Variants in GTPBP1 observed in about 807,000 individuals in gnomAD.
The protein encoded by GTPBP1 is GTP binding protein 1.
A neutral mutation model predicts 62.0 loss-of-function variants in GTPBP1; 23 were observed. The ratio of observed to expected loss-of-function variants is 0.37; its 90% confidence interval spans 0.27 to 0.53. The LOEUF is 0.53. Among genes scored for constraint, GTPBP1 ranks in the 20% least tolerant of loss-of-function variants. The pLI, the probability that GTPBP1 is intolerant of heterozygous loss-of-function variation, is 0.89. For missense variants in GTPBP1, 640 were observed against 917.3 expected (o/e 0.70, Z 3.90); for synonymous variants, 344 against 364.4 (o/e 0.94, Z 0.64).
intron 5 of GTPBP1, chr22:38,722,604 C>A: frequency 8.7e-7 from 1 of 1,155,602 alleles, no homozygotes; most frequent in Non-Finnish European, 1.2e-6. Flanking sequence ...AAGGCCTTAG[C>A]CATTTAGAGT....
At chr22:38,741,451 T>A, downstream of GTPBP1, 1 of 1,594,690 alleles carries the variant, frequency 6.3e-7, no homozygotes, top group Non-Finnish European at 8.6e-7. Flanking sequence ...TTGGATGGGG[T>A]CAGGACCCAG....
intron 11 of GTPBP1, among the ~76,000 whole-genome samples, 167 bp downstream of exon 11, chr22:38,729,829 A>G (rs550009059): frequency 6.6e-6 from 1 of 152,248 alleles, no homozygotes; most frequent in South Asian, 2.1e-4. Flanking sequence ...TCTAGAAGCT[A>G]TAAGGCAGTG....
chr22:38,713,092 A>C (rs2092649239), intron 2 of GTPBP1, among the ~76,000 whole-genome samples: 1 of 152,196 alleles, frequency 6.6e-6, no homozygotes, highest in African/African-American at 2.4e-5. Context: ...ATTTGTGGGC[A>C]GAATGAGTAG....
intron 4 of GTPBP1, among the ~76,000 whole-genome samples, 172 bp from the exon 5 acceptor site, chr22:38,721,570 T>C (rs1310202684): frequency 1.3e-5 from 2 of 152,232 alleles, no homozygotes; most frequent in Non-Finnish European, 2.9e-5. Flanking sequence ...GTTTATCTTT[T>C]TTATTGTTTG....
rs397836314 is a variant in GTPBP1, at chr22:38,731,010, TTGTGTGTGTGTG to T, written c.*335_*346del. ...TATTATATGTCTCTGTCTCTCTCTATTGTGTGTGTGTGTGTGTGTGTGTGTGTGTGTGTGTGT... is the reference window on the plus strand; with the variant it reads ...TATTATATGTCTCTGTCTCTCTCTATTGTGTGTGTGTGTGTGTGTGTGTGT... On this transcript the variant is annotated 3_prime_UTR_variant, in exon 12 of 12. Coordinates refer to ENST00000216044, the MANE Select transcript of GTPBP1 (RefSeq NM_004286.5). 401 of 183,766 alleles carry T rather than the reference TTGTGTGTGTGTG, an allele frequency of 2.2e-3. 1 individual carries two copies. The highest frequency in any genetic ancestry group is 6.5e-3 in the African/African-American group (241 of 37,082). The allele number at this position is 183,766 out of a possible 1,614,324, so 11.4% of individuals were successfully genotyped here.
chr22:38,739,935 A>G (rs756597106), downstream of GTPBP1: 2 of 1,610,906 alleles, frequency 1.2e-6, no homozygotes, highest in Non-Finnish European at 8.5e-7. This position sits in a 1 kb window ranked among gnomAD's most constrained non-coding sequence, Gnocchi z 6.7. Flanking sequence ...CCGGGAACTG[A>G]GATTCCACCT....
In GTPBP1 at chr22:38,726,899, G is replaced by A. The variant is rs182983687; in HGVS notation, c.1402-314G>A. On this transcript the variant is annotated intron_variant, in intron 8 of 11. Transcript: ENST00000216044. The surrounding 1 kb of genome is among the most constrained non-coding windows in gnomAD (Gnocchi z 4.1). The stretch of plus-strand genomic sequence containing the variant: ...AGGACTTTCTTCCCCACAGTGGTCA[G>A]GTCATGCCCACCTGTTGTTCCCCCT... Among the ~76,000 whole-genome samples, 1 of 152,320 alleles carries A rather than the reference G, an allele frequency of 6.6e-6. No homozygotes were observed. The highest frequency in any genetic ancestry group is 6.5e-5 in the Admixed American group (1 of 15,306).
At position 38,733,480 on chromosome 22, in the gene GTPBP1, A is replaced by G. The variant is rs893216416; in HGVS notation, c.*2776A>G. On this transcript the variant is annotated 3_prime_UTR_variant, in exon 12 of 12. Coordinates refer to ENST00000216044, the MANE Select transcript of GTPBP1 (RefSeq NM_004286.5). ...CTGGATCCATGCTTTACTGTGTTTA[A>G]TGGGGGTAACAGGGGTCCCTACAGC... 1 of 152,300 alleles carries G rather than the reference A, an allele frequency of 6.6e-6. No individual in the cohort carries two copies. The highest frequency in any genetic ancestry group is 1.5e-5 in the Non-Finnish European group (1 of 68,094). 9.4% of individuals were successfully genotyped at this position (152,300 alleles called of 1,614,324 possible). A position where few individuals can be genotyped will look rare whatever the true frequency, so the allele number is the denominator to read the frequency against.
At position 38,716,547 on chromosome 22, in the gene GTPBP1, G is replaced by T; in HGVS notation, c.486-105G>T. 1.2e-6 allele frequency: 1 copy of T among 812,820 alleles called. No individual in the cohort carries two copies. Among genetic ancestry groups the T allele is most frequent in the South Asian group, 1.7e-5 (1 of 59,828 alleles). 50.4% of individuals were successfully genotyped at this position (812,820 alleles called of 1,614,324 possible). On this transcript the variant is annotated intron_variant, in intron 3 of 11. Coordinates refer to ENST00000216044, the MANE Select transcript of GTPBP1 (RefSeq NM_004286.5). The surrounding 1 kb of genome is among the most constrained non-coding windows in gnomAD (Gnocchi z 5.2). ...GAGGAGCTGTGAGCCGGAGGGGATC[G>T]GGGCAAGCCTGGACTTGCGGATCCA...
At position 38,732,392 on chromosome 22, in the gene GTPBP1, T is replaced by C. The variant is rs549875780; in HGVS notation, c.*1688T>C. ...CCCAGTCAGGCAGGCATGGCTTCCG[T>C]GTTCAGGCTCCCTCACCAGCTGGTG... On this transcript the variant is annotated 3_prime_UTR_variant, in exon 12 of 12. Coordinates refer to ENST00000216044, the MANE Select transcript of GTPBP1 (RefSeq NM_004286.5). The C allele has an allele frequency of 6.6e-6, 1 of 152,586 alleles. No individual in the cohort carries two copies. The highest frequency in any genetic ancestry group is 1.9e-4 in the East Asian group (1 of 5,168). 9.5% of individuals were successfully genotyped at this position (152,586 alleles called of 1,614,324 possible).
chr22:38,726,204 G>T lies in GTPBP1; in HGVS notation c.1218+54G>T. ...GGGCACTTCCTACAGTGGCATCAGG[G>T]GGTGGGTCTGTGCTGGGGATGCACT... On this transcript the variant is annotated intron_variant, in intron 7 of 11. Transcript: ENST00000216044. The surrounding 1 kb of genome is among the most constrained non-coding windows in gnomAD (Gnocchi z 4.1). 1 of 1,609,820 alleles carries T rather than the reference G, an allele frequency of 6.2e-7. No individual in the cohort carries two copies. Among genetic ancestry groups the T allele is most frequent in the Non-Finnish European group, 8.5e-7 (1 of 1,176,492 alleles).
chr22:38,727,709 A>T lies in GTPBP1; in HGVS notation c.1538-274A>T, dbSNP rs1403083261. ...AGCCCACAGTCCAGCGAGGAGGTGC[A>T]TGTGCAGTGTGCTGTAATCCCAGGA... is the stretch of plus-strand genomic sequence containing the variant. On this transcript the variant is annotated intron_variant, in intron 9 of 11. Transcript: ENST00000216044. This position sits in a 1 kb window ranked among gnomAD's most constrained non-coding sequence, Gnocchi z 6.5. Among the ~76,000 whole-genome samples the T allele has an allele frequency of 1.3e-5, 2 of 152,208 alleles. No individual in the cohort carries two copies. Among genetic ancestry groups the T allele is most frequent in the African/African-American group, 2.4e-5 (1 of 41,454 alleles).
At chr22:38,718,967 CTATATGGTGGGTACATATGTGTA>C (rs2145860599) in intron 4 of GTPBP1, among the ~76,000 whole-genome samples, 1 of 152,230 alleles carries the variant, frequency 6.6e-6, no homozygotes, top group African/African-American at 2.4e-5. Context: ...ATTTATGTGT[CTATATGGTGGGTACATATGTGTA>C]TATATGTTTT....
chr22:38,734,013 A>C, downstream of GTPBP1: 1 of 237,258 alleles, frequency 4.2e-6, no homozygotes, highest in Non-Finnish European at 8.6e-6. Context: ...GAGTGAGCAC[A>C]GGACCAGCTG....
chr22:38,710,008 A>C (rs145063574), intron 2 of GTPBP1, among the ~76,000 whole-genome samples: 1 of 152,294 alleles, frequency 6.6e-6, no homozygotes, highest in Non-Finnish European at 1.5e-5. Context: ...CTTCATCTTC[A>C]TTATGGGATT....
chr22:38,738,618 A>G (rs2092827709), downstream of GTPBP1: 1 of 1,613,878 alleles, frequency 6.2e-7, no homozygotes, highest in South Asian at 1.1e-5. This position sits in a 1 kb window ranked among gnomAD's most constrained non-coding sequence, Gnocchi z 6.6. Context: ...GGCACTGGAG[A>G]TAGTGCTGTT....
downstream of GTPBP1, chr22:38,740,124 C>T (rs1402009990): frequency 5.6e-6 from 7 of 1,260,402 alleles, no homozygotes; most frequent in African/African-American, 3.0e-5. The surrounding 1 kb of genome is among the most constrained non-coding windows in gnomAD (Gnocchi z 4.8). Flanking sequence ...CAGTGAGAGC[C>T]CACATGTGTC....
chr22:38,730,761 C>T lies in GTPBP1; in HGVS notation c.*57C>T, dbSNP rs2092753877. The T allele has an allele frequency of 2.1e-6, 2 of 949,682 alleles. No individual in the cohort carries two copies. The highest frequency in any genetic ancestry group is 1.6e-5 in the African/African-American group (1 of 61,330). 58.8% of individuals were successfully genotyped at this position (949,682 alleles called of 1,614,324 possible). On this transcript the variant is annotated 3_prime_UTR_variant, in exon 12 of 12. Coordinates refer to ENST00000216044, the MANE Select transcript of GTPBP1 (RefSeq NM_004286.5). This position sits in a 1 kb window ranked among gnomAD's most constrained non-coding sequence, Gnocchi z 5.6. ...GGGTCATCATCTCTGGCCACCACTC[C>T]ACCAGATGGGCAGAGCAGCTATGAC...
At chr22:38,724,551 C>G (rs139276639) in intron 6 of GTPBP1, 140 bp downstream of exon 6, 3 of 600,162 alleles carry the variant, frequency 5.0e-6, no homozygotes. Context: ...ATTCAGAGAT[C>G]GGAGGAAATA....
Sources: allele counts gnomAD v4.1 joint callset (sites outside exome capture counted in the v4.1 genomes callset), GRCh38; gene constraint gnomAD v4.1.1; non-coding constraint Gnocchi (gnomAD v3.1); transcripts MANE v1.5; gene names NCBI Gene and HGNC (gene_info 2026-07-23, HGNC 2026-07-21).